The following SOX5 variants were observed in gnomAD, a reference collection of about 807,000 sequenced individuals.
SOX5 encodes SRY-box transcription factor 5.
Under a neutral mutation model 92.0 loss-of-function variants are expected in SOX5, and 9 were observed. The ratio of observed to expected loss-of-function variants is 0.10; its 90% CI spans 0.06 to 0.17. The LOEUF (loss-of-function observed/expected upper bound fraction) is 0.17, where lower values mean the gene tolerates loss of function less well. SOX5 is among the 10% of genes least tolerant of loss of function. SOX5 has a pLI of 1.00. For missense variants in SOX5, 642 were observed against 944.5 expected (o/e 0.68, Z 4.20); for synonymous variants, 344 against 336.3 (o/e 1.02, Z -0.25).
intron 13 of SOX5, among the ~76,000 whole-genome samples, chr12:23,538,924 C>T (rs941766204): frequency 6.6e-6 from 1 of 151,472 alleles, no homozygotes; most frequent in African/African-American, 2.4e-5. Flanking sequence ...CCTCAGCCTC[C>T]CGAGTAGCTG....
chr12:23,648,147 A>T (rs1048827826), intron 7 of SOX5, among the ~76,000 whole-genome samples: 3 of 152,220 alleles, frequency 2.0e-5, no homozygotes, highest in Admixed American at 6.5e-5. Context: ...TCACCATAAC[A>T]TATAATAATA....
intron 2 of SOX5, among the ~76,000 whole-genome samples, chr12:23,852,571 T>G (rs539259455): frequency 4.6e-5 from 7 of 152,338 alleles, no homozygotes; most frequent in Non-Finnish European, 1.0e-4. Context: ...TTGGTTTGCA[T>G]TTCTTTGCCA....
At chr12:23,602,185 G>C (rs1381144853) in intron 9 of SOX5, among the ~76,000 whole-genome samples, 1 of 152,028 alleles carries the variant, frequency 6.6e-6, no homozygotes. Flanking sequence ...TTTTTCACTT[G>C]TATTAAATAA....
At chr12:24,470,755 G>T (rs1597057003) in intron 1 of SOX5, among the ~76,000 whole-genome samples, 1 of 152,108 alleles carries the variant, frequency 6.6e-6, no homozygotes, top group East Asian at 1.9e-4. Flanking sequence ...TATTTACCAG[G>T]TGAGTAAACT....
Position 24,175,807 on chromosome 12 carries a change from C to T in SOX5, c.-2+37536G>A, listed in dbSNP as rs955104630. On this transcript the variant is annotated intron_variant, in intron 4 of 4. Transcript: ENST00000446891. ...CAAGAAAATAAGGAATGGGTATTAT[C>T]ATTATCTCCTGACTGTACTAAAAAT... 2.6e-5 allele frequency among the ~76,000 whole-genome samples: 4 copies of T among 152,002 alleles called. No homozygotes were observed. The South Asian group carries it at 6.2e-4, about 24-fold the overall frequency.
intron 1 of SOX5, among the ~76,000 whole-genome samples, chr12:23,907,222 A>G (rs2097303746): frequency 6.6e-6 from 1 of 152,186 alleles, no homozygotes; most frequent in Non-Finnish European, 1.5e-5. Flanking sequence ...AGAGAGAGAC[A>G]AAAAGAGGAA....
chr12:24,223,038 C>A (rs1162682163), intron 3 of SOX5, among the ~76,000 whole-genome samples: 1 of 152,160 alleles, frequency 6.6e-6, no homozygotes, highest in Non-Finnish European at 1.5e-5. Context: ...GTGACCTTTT[C>A]TCTATTCATG....
intron 3 of SOX5, among the ~76,000 whole-genome samples, chr12:23,834,200 C>T (rs190009523): frequency 1.8e-4 from 27 of 151,806 alleles, no homozygotes; most frequent in Admixed American, 4.6e-4. Context: ...GGCAGTGGAA[C>T]GGCATATAAA....
At chr12:24,169,525 G>T (rs971475533) in intron 4 of SOX5, among the ~76,000 whole-genome samples, 1 of 152,178 alleles carries the variant, frequency 6.6e-6, no homozygotes, top group Non-Finnish European at 1.5e-5. Context: ...ACTCGGCCAT[G>T]ATCTTCATAG....
chr12:24,506,093 A>G (rs1320499708), intron 1 of SOX5, among the ~76,000 whole-genome samples: 2 of 152,212 alleles, frequency 1.3e-5, no homozygotes, highest in African/African-American at 4.8e-5. Flanking sequence ...CCTATGTGTG[A>G]CCAAAAAATA....
At chr12:23,853,746 G>T (rs1236881438) in intron 2 of SOX5, among the ~76,000 whole-genome samples, 1 of 152,010 alleles carries the variant, frequency 6.6e-6, no homozygotes, top group Non-Finnish European at 1.5e-5. Context: ...TAAAAACAAA[G>T]AACATTTTGT....
intron 2 of SOX5, among the ~76,000 whole-genome samples, chr12:24,338,838 T>C (rs7308642): frequency 0.82 from 124,099 of 152,080 alleles, 51,338 homozygotes; most frequent in Non-Finnish European, 0.88. Flanking sequence ...TCGCCTTCCA[T>C]CATGATTGTG....
intron 2 of SOX5, chr12:24,368,016 T>G (rs978622608): frequency 6.6e-6 from 1 of 152,194 alleles, no homozygotes; most frequent in African/African-American, 2.4e-5. Flanking sequence ...TAATTTTTAT[T>G]ATGACTCAAA....
chr12:24,320,766 G>A (rs957957851), intron 2 of SOX5, among the ~76,000 whole-genome samples: 1 of 151,860 alleles, frequency 6.6e-6, no homozygotes, highest in Admixed American at 6.6e-5. Context: ...TCGGGAGGCT[G>A]AGGCAGGAGA....
chr12:23,695,144 A>G (rs1002275570), intron 6 of SOX5, among the ~76,000 whole-genome samples: 2 of 151,934 alleles, frequency 1.3e-5, no homozygotes, highest in Non-Finnish European at 2.9e-5. Flanking sequence ...TCAATTGAAC[A>G]TACATTTGTG....
intron 7 of SOX5, among the ~76,000 whole-genome samples, chr12:23,641,966 C>T (rs1443340871): frequency 1.3e-5 from 2 of 152,166 alleles, no homozygotes; most frequent in African/African-American, 2.4e-5. Context: ...TGGCCCTAGA[C>T]ATAAAGCTTT....
intron 4 of SOX5, among the ~76,000 whole-genome samples, chr12:24,179,188 T>C (rs1955180573): frequency 1.3e-5 from 2 of 152,174 alleles, no homozygotes; most frequent in Non-Finnish European, 2.9e-5. Flanking sequence ...TCTTTAAATA[T>C]TCGAACAGTA....
At chr12:23,915,355 T>C (rs1447926357) in intron 1 of SOX5, among the ~76,000 whole-genome samples, 1 of 152,192 alleles carries the variant, frequency 6.6e-6, no homozygotes, top group Non-Finnish European at 1.5e-5. Flanking sequence ...CCATCTGTGT[T>C]TAATATACTT....
intron 1 of SOX5, among the ~76,000 whole-genome samples, chr12:24,545,148 C>T (rs1340558396): frequency 1.3e-5 from 2 of 152,124 alleles, no homozygotes; most frequent in African/African-American, 4.8e-5. Flanking sequence ...CACTATACCC[C>T]GTACATAAAG....
Sources: gnomAD v4.1 joint callset for allele counts (sites outside exome capture counted in the v4.1 genomes callset) on GRCh38, gnomAD v4.1.1 for gene constraint, MANE v1.5 for transcripts, NCBI Gene and HGNC (gene_info 2026-07-23, HGNC 2026-07-21) for gene names.